The following GALNT3 variants were observed in gnomAD, a reference collection of about 807,000 sequenced individuals.
GALNT3 encodes polypeptide N-acetylgalactosaminyltransferase 3.
Under a neutral mutation model 69.8 loss-of-function variants are expected in GALNT3, and 51 were observed. The ratio of observed to expected loss-of-function variants is 0.73; its 90% confidence interval spans 0.58 to 0.92. The LOEUF is 0.92. Among genes scored for constraint, GALNT3 ranks in the 40% least tolerant of loss-of-function variants. The pLI is 0.00. For missense variants in GALNT3, 711 were observed against 760.0 expected (o/e 0.94, Z 0.76); for synonymous variants, 265 against 248.5 (o/e 1.07, Z -0.63).
At chr2:165,791,328 C>G (rs1683344252) in intron 1 of GALNT3, among the ~76,000 whole-genome samples, 3 of 151,572 alleles carry the variant, frequency 2.0e-5, no homozygotes, top group African/African-American at 7.3e-5. Context: ...GAAAAATCAG[C>G]CTTTAAAAGA....
chr2:165,761,165 C>T (rs1350612264), intron 4 of GALNT3, among the ~76,000 whole-genome samples: 2 of 151,422 alleles, frequency 1.3e-5, no homozygotes, highest in Non-Finnish European at 2.9e-5. Flanking sequence ...AGCAGCAGTA[C>T]TAGGACGAAG....
At chr2:165,785,520 C>T (rs1683202222) in intron 1 of GALNT3, among the ~76,000 whole-genome samples, 1 of 152,114 alleles carries the variant, frequency 6.6e-6, no homozygotes, top group African/African-American at 2.4e-5. Flanking sequence ...CAAACAACTG[C>T]AACTACTAAC....
chr2:165,767,413 A>T (rs928317718), intron 2 of GALNT3, among the ~76,000 whole-genome samples: 1 of 152,196 alleles, frequency 6.6e-6, no homozygotes, highest in South Asian at 2.1e-4. Context: ...GGTTTTGAAG[A>T]TTTAAAGTAT....
At chr2:165,770,013 A>T in intron 2 of GALNT3, 173 bp downstream of exon 2, 3 of 742,140 alleles carry the variant, frequency 4.0e-6, no homozygotes, top group Non-Finnish European at 7.0e-6. Context: ...ATAAATAGGG[A>T]TATGTAGCCT....
chr2:165,789,274 T>A (rs2105233545), intron 1 of GALNT3, among the ~76,000 whole-genome samples: 1 of 152,302 alleles, frequency 6.6e-6, no homozygotes, highest in Middle Eastern at 3.4e-3. Context: ...CTCCTAGGTA[T>A]CCTCACATGG....
intron 2 of GALNT3, among the ~76,000 whole-genome samples, chr2:165,769,293 C>A (rs1189710807): frequency 6.8e-6 from 1 of 148,074 alleles, no homozygotes; most frequent in Non-Finnish European, 1.5e-5. Flanking sequence ...GTAGTCCCAG[C>A]TGCTCGGGAG....
intron 8 of GALNT3, 41 bp from the exon 9 acceptor site, chr2:165,754,769 A>G: frequency 6.9e-7 from 1 of 1,449,274 alleles, no homozygotes; most frequent in South Asian, 1.2e-5. Flanking sequence ...TTTTTAATCC[A>G]TGTGATTTAT....
At chr2:165,765,332 T>A in intron 2 of GALNT3, among the ~76,000 whole-genome samples, 1 of 152,202 alleles carries the variant, frequency 6.6e-6, no homozygotes, top group East Asian at 1.9e-4. Context: ...AATGTAATTT[T>A]AAATGCAAAT....
chr2:165,771,689 A>G (rs1272840157), intron 1 of GALNT3: 4 of 152,236 alleles, frequency 2.6e-5, no homozygotes, highest in Non-Finnish European at 5.9e-5. Flanking sequence ...CGCGATAGCC[A>G]GTCAAGAAAT....
chr2:165,794,432 T>C (rs960083781), upstream of GALNT3: 3 of 152,568 alleles, frequency 2.0e-5, no homozygotes, highest in Admixed American at 6.5e-5. Context: ...GCGAGGCTGC[T>C]GCTCCGCGCA....
chr2:165,779,112 T>C (rs1683045679), intron 1 of GALNT3, among the ~76,000 whole-genome samples: 1 of 152,178 alleles, frequency 6.6e-6, no homozygotes, highest in Non-Finnish European at 1.5e-5. Flanking sequence ...AGATACCTAG[T>C]ACTGGAGAAA....
In GALNT3 at chr2:165,747,598, A is replaced by G. The variant is rs1053239229; in HGVS notation, c.*1183T>C. On this transcript the variant is annotated 3_prime_UTR_variant, in exon 11 of 11. Transcript: ENST00000392701. ...TAAAACATCATTCTATCAGATGCTT[A>G]AGGAACTTTATCAGAAATTAATACA... The G allele has an allele frequency of 6.6e-6, 1 of 152,252 alleles. No homozygotes were observed. The highest frequency in any genetic ancestry group is 2.4e-5 in the African/African-American group (1 of 41,446). The allele number at this position is 152,252 out of a possible 1,614,324, so 9.4% of individuals were successfully genotyped here. A position where few individuals can be genotyped will look rare whatever the true frequency, so the allele number is the denominator to read the frequency against.
At position 165,762,007 on chromosome 2, in the gene GALNT3, C is replaced by G; in HGVS notation, c.736G>C (p.Val246Leu). The change falls in exon 4 of 11, where the codon GTA becomes CTA. Residue 246 changes from valine (V) to leucine (L), a missense_variant. Physicochemically the swap from Val to Leu is conservative, Grantham distance 32. Transcript: ENST00000392701. ...LDEYVKQFSI[V>L]KIVRQRERKG... is the part of the protein sequence containing the mutation. Reference sequence around the variant, plus strand: ...CTTTCTCTTTGTCTGACTATTTTTACTATAGAAAATTGTTTTACATATTCA... The same window carrying G: ...CTTTCTCTTTGTCTGACTATTTTTAGTATAGAAAATTGTTTTACATATTCA... 6.2e-7 allele frequency: 1 copy of G among 1,604,094 alleles called. No individual in the cohort carries two copies. The highest frequency in any genetic ancestry group is 8.5e-7 in the Non-Finnish European group (1 of 1,171,084).
intron 1 of GALNT3, among the ~76,000 whole-genome samples, chr2:165,788,816 G>A (rs1245655737): frequency 6.6e-6 from 1 of 152,144 alleles, no homozygotes; most frequent in Non-Finnish European, 1.5e-5. Context: ...CCAGAGTTAA[G>A]CAAGTCTCAG....
In GALNT3 at chr2:165,794,035, G is replaced by C. The variant is rs1486925202; in HGVS notation, c.-129C>G. ...CTTACCTGGCGGGTGGGCAGGGCAGGGTGGCGGGAAGCGGCGGCCGGGCAG... is the reference window on the plus strand; with the variant it reads ...CTTACCTGGCGGGTGGGCAGGGCAGCGTGGCGGGAAGCGGCGGCCGGGCAG... On this transcript the variant is annotated 5_prime_UTR_variant, in exon 1 of 11. Coordinates refer to ENST00000392701, the MANE Select transcript of GALNT3 (RefSeq NM_004482.4). 6.6e-6 allele frequency: 1 copy of C among 152,544 alleles called. No individual in the cohort carries two copies. The highest frequency in any genetic ancestry group is 2.4e-5 in the African/African-American group (1 of 41,476). 9.4% of individuals were successfully genotyped at this position (152,544 alleles called of 1,614,324 possible).
chr2:165,775,286 A>G (rs1688827336), intron 1 of GALNT3, among the ~76,000 whole-genome samples: 2 of 152,204 alleles, frequency 1.3e-5, no homozygotes, highest in African/African-American at 2.4e-5. Context: ...CATAAAAACT[A>G]CAAATAGCTT....
intron 1 of GALNT3, among the ~76,000 whole-genome samples, chr2:165,773,679 G>T (rs1191176288): frequency 1.3e-5 from 2 of 151,918 alleles, no homozygotes; most frequent in African/African-American, 4.8e-5. Flanking sequence ...ATGAAAATTT[G>T]AGTCAGTCTT....
At chr2:165,751,573 T>C (rs1205258738) in intron 9 of GALNT3, among the ~76,000 whole-genome samples, 1 of 151,966 alleles carries the variant, frequency 6.6e-6, no homozygotes, top group Admixed American at 6.6e-5. Flanking sequence ...AAATGGAAAA[T>C]ATTGAAAGTA....
At chr2:165,790,845 G>A (rs1269788610) in intron 1 of GALNT3, among the ~76,000 whole-genome samples, 1 of 151,940 alleles carries the variant, frequency 6.6e-6, no homozygotes, top group Non-Finnish European at 1.5e-5. Flanking sequence ...AAAAAGAAAA[G>A]CATTAAATAT....
Sources: allele counts gnomAD v4.1 joint callset (sites outside exome capture counted in the v4.1 genomes callset), GRCh38; gene constraint gnomAD v4.1.1; transcripts MANE v1.5; gene names NCBI Gene and HGNC (gene_info 2026-07-23, HGNC 2026-07-21).